LRRC7: variants seen among roughly 807,000 people sequenced by gnomAD.
The protein encoded by LRRC7 is leucine rich repeat containing 7, also known as leucine-rich repeat-containing protein 7.
LRRC7 carries 23 observed loss-of-function variants against 175.7 expected under a neutral mutation model. The observed-to-expected ratio is 0.13, with a 90% confidence interval of 0.09 to 0.19. The LOEUF (loss-of-function observed/expected upper bound fraction) is 0.19. Among genes scored for constraint, LRRC7 ranks in the 10% least tolerant of loss-of-function variants. The pLI is 1.00. For synonymous variants in LRRC7, 685 were observed against 680.9 expected, an observed-to-expected ratio of 1.01 and a Z score of -0.09; for missense variants, 1,354 against 1,904.7, an observed-to-expected ratio of 0.71 and a Z score of 5.38.
intron 4 of LRRC7, among the ~76,000 whole-genome samples, chr1:69,821,561 G>T (rs1264075971): frequency 6.6e-6 from 1 of 151,924 alleles, no homozygotes; most frequent in Non-Finnish European, 1.5e-5. Flanking sequence ...TGATGTTTTT[G>T]TCAGGCAATT....
chr1:69,705,953 C>CA (rs1261276229), intron 2 of LRRC7, among the ~76,000 whole-genome samples: 1 of 152,000 alleles, frequency 6.6e-6, no homozygotes, highest in Non-Finnish European at 1.5e-5. Flanking sequence ...ATCTTCCCTC[C>CA]AAAAAATAAA....
intron 1 of LRRC7, among the ~76,000 whole-genome samples, chr1:69,595,064 A>G (rs1646786323): frequency 6.6e-6 from 1 of 151,876 alleles, no homozygotes; most frequent in Admixed American, 6.6e-5. Flanking sequence ...TAAACATTGA[A>G]TATAGACCAA....
intron 2 of LRRC7, among the ~76,000 whole-genome samples, chr1:69,735,556 T>A (rs1286857137): frequency 6.6e-6 from 1 of 152,132 alleles, no homozygotes; most frequent in Non-Finnish European, 1.5e-5. Flanking sequence ...GTGGAGGTGA[T>A]GCTAAACTCT....
At chr1:70,015,611 G>A (rs149418248) in intron 13 of LRRC7, among the ~76,000 whole-genome samples, 11 of 152,252 alleles carry the variant, frequency 7.2e-5, no homozygotes, top group Admixed American at 7.2e-4. Context: ...ATGTGATCAC[G>A]ATGTGTTGAT....
At position 69,771,024 on chromosome 1, in the gene LRRC7, A is replaced by G. The variant is rs534087378; in HGVS notation, c.303+10631A>G. Among the ~76,000 whole-genome samples, 10 of 152,314 alleles carry G rather than the reference A, an allele frequency of 6.6e-5. No homozygotes were observed. The South Asian group carries it at 2.1e-3, about 32-fold the overall frequency. On this transcript the variant is annotated intron_variant, in intron 3 of 26. Coordinates refer to ENST00000651989, the MANE Select transcript of LRRC7 (RefSeq NM_001370785.2). Reference sequence around the variant, plus strand: ...GATTTTGTCCCCCAGCGCCAAATGTATACAATTTTTCTGAATATATAAAAC... The same window carrying G: ...GATTTTGTCCCCCAGCGCCAAATGTGTACAATTTTTCTGAATATATAAAAC...
chr1:69,683,799 A>C (rs1352955996), intron 2 of LRRC7, among the ~76,000 whole-genome samples: 1 of 152,160 alleles, frequency 6.6e-6, no homozygotes, highest in Non-Finnish European at 1.5e-5. Context: ...ATTATAAAAA[A>C]CTAAACATGA....
chr1:69,754,162 T>C (rs1670150783), intron 2 of LRRC7, among the ~76,000 whole-genome samples: 1 of 151,984 alleles, frequency 6.6e-6, no homozygotes, highest in Non-Finnish European at 1.5e-5. Context: ...AATTTTGGAC[T>C]TTACTTTGAG....
intron 2 of LRRC7, among the ~76,000 whole-genome samples, chr1:69,699,221 A>G (rs1206180665): frequency 6.6e-6 from 1 of 152,170 alleles, no homozygotes; most frequent in Non-Finnish European, 1.5e-5. Flanking sequence ...AGTTCAAACT[A>G]CTGTGAGCTA....
At chr1:69,997,279 A>C in intron 11 of LRRC7, among the ~76,000 whole-genome samples, 1 of 152,316 alleles carries the variant, frequency 6.6e-6, no homozygotes, top group East Asian at 1.9e-4. Context: ...AAAGTTGCTT[A>C]TCAGCTGAAG....
chr1:69,956,829 T>C (rs1650541974), intron 8 of LRRC7, among the ~76,000 whole-genome samples: 1 of 151,632 alleles, frequency 6.6e-6, no homozygotes, highest in Non-Finnish European at 1.5e-5. Flanking sequence ...CATCGAACTC[T>C]AATAGTGTTT....
At chr1:69,852,363 G>A (rs1219940932) in intron 7 of LRRC7, among the ~76,000 whole-genome samples, 1 of 152,128 alleles carries the variant, frequency 6.6e-6, no homozygotes, top group Non-Finnish European at 1.5e-5. Context: ...CTCATGCCAA[G>A]CACTTGATGG....
chr1:70,038,050 C>G (rs1659484861), intron 20 of LRRC7, 63 bp from the exon 21 acceptor site: 1 of 1,524,778 alleles, frequency 6.6e-7, no homozygotes, highest in Non-Finnish European at 8.8e-7. Context: ...GCTGCTTGTT[C>G]TCTTTCTGCC....
intron 3 of LRRC7, among the ~76,000 whole-genome samples, chr1:69,783,660 G>A (rs1304495140): frequency 6.7e-6 from 1 of 148,844 alleles, no homozygotes; most frequent in Non-Finnish European, 1.5e-5. Flanking sequence ...GCTGAGGCTG[G>A]AGAATTGCTT....
intron 3 of LRRC7, among the ~76,000 whole-genome samples, chr1:69,790,655 T>C (rs541076813): frequency 6.6e-6 from 1 of 152,032 alleles, no homozygotes; most frequent in African/African-American, 2.4e-5. Flanking sequence ...TGTAACAGAA[T>C]GATAGAGACT....
chr1:69,824,570 ACTTTGTACCC>A (rs895216089), intron 4 of LRRC7, among the ~76,000 whole-genome samples: 23 of 152,040 alleles, frequency 1.5e-4, no homozygotes, highest in African/African-American at 5.3e-4. Context: ...CGCAAACCCC[ACTTTGTACCC>A]CTTTGTACCC....
chr1:69,900,041 T>A (rs1471699287), intron 7 of LRRC7, among the ~76,000 whole-genome samples: 1 of 152,208 alleles, frequency 6.6e-6, no homozygotes, highest in East Asian at 1.9e-4. Flanking sequence ...TATCCTTTTC[T>A]CATATAATAA....
intron 3 of LRRC7, among the ~76,000 whole-genome samples, chr1:69,769,493 A>G (rs1569655081): frequency 6.6e-6 from 1 of 152,298 alleles, no homozygotes; most frequent in South Asian, 2.1e-4. Context: ...ACTTAGTTCC[A>G]TGCACAAAAA....
chr1:69,832,098 A>G lies in LRRC7; in HGVS notation c.501-2682A>G, dbSNP rs80284296. Among the ~76,000 whole-genome samples the G allele has an allele frequency of 3.9e-3, 598 of 152,298 alleles. 3 individuals are homozygous for G. The highest frequency in any genetic ancestry group is 0.013 in the African/African-American group (554 of 41,578). ...CGTTTAGAAAAGAATACAGCAGTGTATTTGGGAGATAAGCCCAGGAAATAC... is the reference window on the plus strand; with the variant it reads ...CGTTTAGAAAAGAATACAGCAGTGTGTTTGGGAGATAAGCCCAGGAAATAC... On this transcript the variant is annotated intron_variant, in intron 5 of 26. Transcript: ENST00000651989.
At chr1:69,916,089 T>G (rs866986787) in intron 7 of LRRC7, among the ~76,000 whole-genome samples, 1 of 138,912 alleles carries the variant, frequency 7.2e-6, no homozygotes, top group African/African-American at 2.7e-5. Context: ...ATATATATTA[T>G]ATACATATTT....
Sources: gnomAD v4.1 joint callset for allele counts (sites outside exome capture counted in the v4.1 genomes callset) on GRCh38, gnomAD v4.1.1 for gene constraint, MANE v1.5 for transcripts, NCBI Gene and HGNC (gene_info 2026-07-23, HGNC 2026-07-21) for gene names.